The following CCR10 variants were observed in gnomAD, a reference collection of about 807,000 sequenced individuals.
CCR10 encodes C-C chemokine receptor type 10.
Under a neutral mutation model 11.9 loss-of-function variants are expected in CCR10, and 11 were observed. That is an observed-to-expected ratio of 0.92 (90% CI 0.58 to 1.53). The LOEUF (loss-of-function observed/expected upper bound fraction) is 1.53, where lower values mean the gene tolerates loss of function less well. Among genes scored for constraint, CCR10 ranks in the 40% most tolerant of loss-of-function variants. CCR10 has a pLI of 0.00. For missense variants in CCR10, 428 were observed against 496.6 expected (o/e 0.86, Z 1.31); for synonymous variants, 224 against 245.4 (o/e 0.91, Z 0.81).
Position 42,679,313 on chromosome 17 carries a change from CGGGG to C in CCR10, c.*236_*239del. On this transcript the variant is annotated 3_prime_UTR_variant, in exon 2 of 2. Coordinates refer to ENST00000332438, the MANE Select transcript of CCR10 (RefSeq NM_016602.3). Reference sequence around the variant, plus strand: ...TCAGAGAGCCAAGCGCGGGGCAGGGCGGGGGGTGGGGCGGGGGCGGGGTGTTAAC... The same window carrying C: ...TCAGAGAGCCAAGCGCGGGGCAGGGCGGTGGGGCGGGGGCGGGGTGTTAAC... The C allele has an allele frequency of 2.7e-6, 1 of 373,948 alleles. No homozygotes were observed. Among genetic ancestry groups the C allele is most frequent in the Non-Finnish European group, 4.7e-6 (1 of 211,196 alleles). 23.2% of individuals were successfully genotyped at this position (373,948 alleles called of 1,614,324 possible).
Position 42,679,603 on chromosome 17 carries a change from A to C in CCR10, c.1039T>G (p.Ser347Ala). ...RRGCPRRPRL[S>A]SCSAPTETHS... is the part of the protein sequence containing the mutation. ...GTCTCCGTGGGAGCTGAGCAGGAAG[A>C]AAGGCGGGGCCGGCGGGGGCAGCCG... Residue 347 changes from serine (S) to alanine (A), a missense_variant, in exon 2 of 2, where the codon TCT (serine) becomes GCT (alanine). Ser to Ala is a moderately conservative substitution (Grantham distance 99). Transcript: ENST00000332438. 6.7e-7 allele frequency: 1 copy of C among 1,486,760 alleles called. No homozygotes were observed. The highest frequency in any genetic ancestry group is 8.9e-7 in the Non-Finnish European group (1 of 1,123,510). 92.1% of individuals were successfully genotyped at this position (1,486,760 alleles called of 1,614,324 possible). A position where few individuals can be genotyped will look rare whatever the true frequency, so the allele number is the denominator to read the frequency against.
In CCR10 at chr17:42,679,620, G is replaced by T; in HGVS notation, c.1022C>A (p.Pro341His). 1 of 1,482,346 alleles carries T rather than the reference G, an allele frequency of 6.7e-7. No homozygotes were observed. The highest frequency in any genetic ancestry group is 2.5e-5 in the East Asian group (1 of 39,480). 91.8% of individuals were successfully genotyped at this position (1,482,346 alleles called of 1,614,324 possible). A position where few individuals can be genotyped will look rare whatever the true frequency, so the allele number is the denominator to read the frequency against. ...GCAGGAAGAAAGGCGGGGCCGGCGG[G>T]GGCAGCCGCGGCGGGGTTGAGGCCC... Reference protein sequence around the residue: ...PSGPQPRRGCPRRPRLSSCSA... With the variant: ...PSGPQPRRGCHRRPRLSSCSA... Residue 341 changes from proline (P) to histidine (H), a missense_variant, in exon 2 of 2, where the codon CCC becomes CAC. Transcript: ENST00000332438.
Position 42,680,434 on chromosome 17 carries a change from G to T in CCR10, c.208C>A (p.Arg70=). 1 of 1,585,288 alleles carries T rather than the reference G, an allele frequency of 6.3e-7. No individual in the cohort carries two copies. Among genetic ancestry groups the T allele is most frequent in the Non-Finnish European group, 8.6e-7 (1 of 1,165,946 alleles). ...GLVLATHLAA[R]RAARSPTSAH... is the part of the protein sequence containing the mutation. ...GAGGTGGGCGAGCGCGCTGCGCGTCGGGCTGCCAGGTGGGTGGCCAGGACC... is the reference window on the plus strand; with the variant it reads ...GAGGTGGGCGAGCGCGCTGCGCGTCTGGCTGCCAGGTGGGTGGCCAGGACC... Residue 70 remains arginine, a synonymous_variant, in exon 2 of 2, where the codon CGA becomes AGA. Coordinates refer to ENST00000332438, the MANE Select transcript of CCR10 (RefSeq NM_016602.3).
At position 42,680,000 on chromosome 17, in the gene CCR10, C is replaced by A; in HGVS notation, c.642G>T (p.Leu214=). The change falls in exon 2 of 2, where the codon CTG becomes CTT. Residue 214 remains leucine (L), a synonymous_variant. Coordinates refer to ENST00000332438, the MANE Select transcript of CCR10 (RefSeq NM_016602.3). ...KGASAVAQVA[L]GFALPLGVMV... ...TGACGCCCAGCGGCAGCGCGAAGCC[C>A]AGGGCCACCTGCGCCACGGCGCTCG... 1 of 1,577,946 alleles carries A rather than the reference C, an allele frequency of 6.3e-7. No individual in the cohort carries two copies. Among genetic ancestry groups the A allele is most frequent in the East Asian group, 2.3e-5 (1 of 43,734 alleles).
rs779820374 is a variant in CCR10, at chr17:42,680,574, G to A, written c.68C>T (p.Ser23Leu). The part of the protein sequence containing the change: ...HYSGDEEDAY[S>L]AEPLPELCYK... ...GCAAAGCTCCGGCAGTGGCTCAGCCGAGTATGCGTCCTCTTCATCCCCAGA... is the reference window on the plus strand; with the variant it reads ...GCAAAGCTCCGGCAGTGGCTCAGCCAAGTATGCGTCCTCTTCATCCCCAGA... The change falls in exon 2 of 2, where the codon TCG becomes TTG. Residue 23 changes from serine (S) to leucine (L), a missense_variant. Coordinates refer to ENST00000332438, the MANE Select transcript of CCR10 (RefSeq NM_016602.3). 19 of 1,598,232 alleles carry A rather than the reference G, an allele frequency of 1.2e-5. No homozygotes were observed. Among genetic ancestry groups the A allele is most frequent in the Admixed American group, 3.4e-5 (2 of 57,982 alleles).
Position 42,680,164 on chromosome 17 carries a change from A to G in CCR10, c.478T>C (p.Leu160=). The change falls in exon 2 of 2, where the codon TTG becomes CTG. Residue 160 remains leucine, a synonymous_variant. Transcript: ENST00000332438. ...PRPSTPGRAH[L]VSVIVWLLSL... ...AGCAGCCACACGATGACGGAGACCA[A>G]GTGTGCGCGGCCGGGAGTGGAGGGC... 6.2e-7 allele frequency: 1 copy of G among 1,611,942 alleles called. No homozygotes were observed. The highest frequency in any genetic ancestry group is 8.5e-7 in the Non-Finnish European group (1 of 1,179,574).
In CCR10 at chr17:42,679,634, G is replaced by T; in HGVS notation, c.1008C>A (p.Pro336=). The change falls in exon 2 of 2, where the codon CCC becomes CCA. Residue 336 remains proline (P), a synonymous_variant. Transcript: ENST00000332438. ...GGGGCCGGCGGGGGCAGCCGCGGCG[G>T]GGTTGAGGCCCTGAGGGGCAGCTCC... ...RGGSCPSGPQ[P]RRGCPRRPRL... 3 of 1,483,476 alleles carry T rather than the reference G, an allele frequency of 2.0e-6. No individual in the cohort carries two copies. The highest frequency in any genetic ancestry group is 2.7e-6 in the Non-Finnish European group (3 of 1,121,936). The allele number at this position is 1,483,476 out of a possible 1,614,324, so 91.9% of individuals were successfully genotyped here.
chr17:42,681,824 C>A lies in CCR10; in HGVS notation c.-1G>T. On this transcript the variant is annotated 5_prime_UTR_variant, in exon 1 of 2. Coordinates refer to ENST00000332438, the MANE Select transcript of CCR10 (RefSeq NM_016602.3). ...CCTGCTCTGTGGCCTCCGTCCCCAT[C>A]TCTGGCTACACAGGTTTCTGAGGTA... 1 of 1,613,644 alleles carries A rather than the reference C, an allele frequency of 6.2e-7. No individual in the cohort carries two copies. The highest frequency in any genetic ancestry group is 8.5e-7 in the Non-Finnish European group (1 of 1,179,720).
Position 42,679,757 on chromosome 17 carries a change from G to A in CCR10, c.885C>T (p.Thr295=), listed in dbSNP as rs1344002124. 9 of 1,600,622 alleles carry A rather than the reference G, an allele frequency of 5.6e-6. No individual in the cohort carries two copies. The highest frequency in any genetic ancestry group is 2.7e-5 in the African/African-American group (2 of 73,494). Residue 295 remains threonine (T), a synonymous_variant, in exon 2 of 2, where the codon ACC becomes ACT. Transcript: ENST00000332438. ...CACAGCGGGCGAGGGCCAAGCCGCT[G>A]GTCACCAGCAGTGCGACATCCTTGC... ...SKRKDVALLV[T]SGLALARCGL...
rs758923839 is a variant in CCR10 at position 42,679,641 on chromosome 17, G to A, written c.1001C>T (p.Pro334Leu). Residue 334 changes from proline (P) to leucine (L), a missense_variant, in exon 2 of 2, where the codon CCT (proline) becomes CTT (leucine). Physicochemically the swap from Pro to Leu is moderately conservative, Grantham distance 98. Coordinates refer to ENST00000332438, the MANE Select transcript of CCR10 (RefSeq NM_016602.3). ...LLRGGSCPSG[P>L]QPRRGCPRRP... ...GCGGGGGCAGCCGCGGCGGGGTTGAGGCCCTGAGGGGCAGCTCCCACCCCG... is the reference window on the plus strand; with the variant it reads ...GCGGGGGCAGCCGCGGCGGGGTTGAAGCCCTGAGGGGCAGCTCCCACCCCG... 4 of 1,487,484 alleles carry A rather than the reference G, an allele frequency of 2.7e-6. No homozygotes were observed. In the East Asian group the frequency reaches 1.0e-4, roughly 37 times the overall value. The allele number at this position is 1,487,484 out of a possible 1,614,324, so 92.1% of individuals were successfully genotyped here. A position where few individuals can be genotyped will look rare whatever the true frequency, so the allele number is the denominator to read the frequency against.
In CCR10 at chr17:42,679,758, G is replaced by A; in HGVS notation, c.884C>T (p.Thr295Ile). The change falls in exon 2 of 2, where the codon ACC becomes ATC. Residue 295 changes from threonine (T) to isoleucine (I), a missense_variant. Thr to Ile is a moderately conservative substitution (Grantham distance 89). Transcript: ENST00000332438. ...ACAGCGGGCGAGGGCCAAGCCGCTG[G>A]TCACCAGCAGTGCGACATCCTTGCG... ...SKRKDVALLV[T>I]SGLALARCGL... 1 of 1,601,122 alleles carries A rather than the reference G, an allele frequency of 6.2e-7. No individual in the cohort carries two copies. The highest frequency in any genetic ancestry group is 8.5e-7 in the Non-Finnish European group (1 of 1,175,212).
rs2052899382 is a variant in CCR10 at position 42,679,277 on chromosome 17, GC to G, written c.*275del. ...CCCCCCACCCCCACCCAGGCCCTCA[GC>G]GTCTTCCACTCAGAGAGCCAAGCGC... On this transcript the variant is annotated 3_prime_UTR_variant, in exon 2 of 2. Coordinates refer to ENST00000332438, the MANE Select transcript of CCR10 (RefSeq NM_016602.3). 2.9e-6 allele frequency: 1 copy of G among 339,802 alleles called. No individual in the cohort carries two copies. The highest frequency in any genetic ancestry group is 5.3e-6 in the Non-Finnish European group (1 of 188,926). 21.0% of individuals were successfully genotyped at this position (339,802 alleles called of 1,614,324 possible). A position where few individuals can be genotyped will look rare whatever the true frequency, so the allele number is the denominator to read the frequency against.
At position 42,679,628 on chromosome 17, in the gene CCR10, G is replaced by C. The variant is rs1441526164; in HGVS notation, c.1014C>G (p.Arg338=). Residue 338 remains arginine, a synonymous_variant, in exon 2 of 2, where the codon CGC becomes CGG. Coordinates refer to ENST00000332438, the MANE Select transcript of CCR10 (RefSeq NM_016602.3). ...GSCPSGPQPR[R]GCPRRPRLSS... ...AAAGGCGGGGCCGGCGGGGGCAGCC[G>C]CGGCGGGGTTGAGGCCCTGAGGGGC... The C allele has an allele frequency of 3.4e-6, 5 of 1,480,748 alleles. No homozygotes were observed. In the South Asian group the frequency reaches 4.2e-5, roughly 12 times the overall value. The allele number at this position is 1,480,748 out of a possible 1,614,324, so 91.7% of individuals were successfully genotyped here.
intron 1 of CCR10, 107 bp downstream of exon 1, chr17:42,681,693 A>G (rs1273390968): frequency 4.8e-6 from 4 of 837,022 alleles, no homozygotes; most frequent in Non-Finnish European, 6.2e-6. Context: ...AAGAATCCTG[A>G]ATAAGCCATA....
chr17:42,680,174 G>C lies in CCR10; in HGVS notation c.468C>G (p.Gly156=), dbSNP rs2052910938. ...CGATGACGGAGACCAAGTGTGCGCG[G>C]CCGGGAGTGGAGGGCCGCGGCCCGG... The part of the protein sequence containing the change: ...LPAGPRPSTP[G]RAHLVSVIVW... Residue 156 remains glycine (G), a synonymous_variant, in exon 2 of 2, where the codon GGC becomes GGG. Coordinates refer to ENST00000332438, the MANE Select transcript of CCR10 (RefSeq NM_016602.3). 6.2e-7 allele frequency: 1 copy of C among 1,611,640 alleles called. No homozygotes were observed. The highest frequency in any genetic ancestry group is 8.5e-7 in the Non-Finnish European group (1 of 1,179,426).
Position 42,680,413 on chromosome 17 carries a change from T to C in CCR10, c.229A>G (p.Thr77Ala). Residue 77 changes from threonine to alanine, a missense_variant, in exon 2 of 2, where the codon ACC (threonine) becomes GCC (alanine). Physicochemically the swap from Thr to Ala is moderately conservative, Grantham distance 58 (BLOSUM62 0). Coordinates refer to ENST00000332438, the MANE Select transcript of CCR10 (RefSeq NM_016602.3). Reference protein sequence around the residue: ...LAARRAARSPTSAHLLQLALA... With the variant: ...LAARRAARSPASAHLLQLALA... ...GCCAGCTGGAGCAGGTGGGCAGAGG[T>C]GGGCGAGCGCGCTGCGCGTCGGGCT... 2 of 1,566,052 alleles carry C rather than the reference T, an allele frequency of 1.3e-6. No individual in the cohort carries two copies. The highest frequency in any genetic ancestry group is 1.7e-6 in the Non-Finnish European group (2 of 1,155,718).
In CCR10 at chr17:42,681,796, C is replaced by T. The variant is rs2143638646; in HGVS notation, c.24+4G>A. 4.3e-6 allele frequency: 7 copies of T among 1,609,334 alleles called. No homozygotes were observed. Among genetic ancestry groups the T allele is most frequent in the Non-Finnish European group, 6.0e-6 (7 of 1,175,780 alleles). On this transcript the variant is annotated splice_donor_region_variant and intron_variant, in intron 1 of 1. Coordinates refer to ENST00000332438, the MANE Select transcript of CCR10 (RefSeq NM_016602.3). ...CTTCTCCCCCTCCCTGCCCCCACTCCCACCTGCTCTGTGGCCTCCGTCCCC... is the reference window on the plus strand; with the variant it reads ...CTTCTCCCCCTCCCTGCCCCCACTCTCACCTGCTCTGTGGCCTCCGTCCCC...
At position 42,680,429 on chromosome 17, in the gene CCR10, G is replaced by T. The variant is rs144945136; in HGVS notation, c.213C>A (p.Arg71=). The change falls in exon 2 of 2, where the codon CGC becomes CGA. Residue 71 remains arginine (R), a synonymous_variant. Transcript: ENST00000332438. ...GGGCAGAGGTGGGCGAGCGCGCTGC[G>T]CGTCGGGCTGCCAGGTGGGTGGCCA... ...LVLATHLAAR[R]AARSPTSAHL... is the part of the protein sequence containing the mutation. 5.0e-4 allele frequency: 782 copies of T among 1,579,346 alleles called. 3 individuals are homozygous for T. Among genetic ancestry groups the T allele is most frequent in the Middle Eastern group, 1.9e-3 (11 of 5,864 alleles).
At position 42,679,591 on chromosome 17, in the gene CCR10, C is replaced by G; in HGVS notation, c.1051G>C (p.Ala351Pro). Residue 351 changes from alanine (A) to proline (P), a missense_variant, in exon 2 of 2, where the codon GCT becomes CCT. By Grantham distance (27) the Ala-to-Pro change is conservative. Transcript: ENST00000332438. ...PRRPRLSSCS[A>P]PTETHSLSWD... ...GAGAGACTGTGGGTCTCCGTGGGAG[C>G]TGAGCAGGAAGAAAGGCGGGGCCGG... 13 of 1,485,526 alleles carry G rather than the reference C, an allele frequency of 8.8e-6. No individual in the cohort carries two copies. Among genetic ancestry groups the G allele is most frequent in the Non-Finnish European group, 1.2e-5 (13 of 1,122,690 alleles). The allele number at this position is 1,485,526 out of a possible 1,614,324, so 92.0% of individuals were successfully genotyped here.
Sources: allele counts gnomAD v4.1 joint callset, GRCh38; gene constraint gnomAD v4.1.1; transcripts MANE v1.5; gene names NCBI Gene and HGNC (gene_info 2026-07-23, HGNC 2026-07-21).